FAM227B: variants seen among roughly 807,000 people sequenced by gnomAD.
FAM227B encodes the protein family with sequence similarity 227 member B.
Under a neutral mutation model 73.8 loss-of-function variants are expected in FAM227B, and 88 were observed. That is an observed-to-expected ratio of 1.19 (90% confidence interval 1.00 to 1.42). The LOEUF is 1.42. Among genes scored for constraint, FAM227B ranks in the 40% most tolerant of loss-of-function variants. The pLI, the probability that FAM227B is intolerant of heterozygous loss-of-function variation, is 0.00. For synonymous variants in FAM227B, 210 were observed against 190.5 expected, an observed-to-expected ratio of 1.10 and a Z score of -0.84; for missense variants, 632 against 590.9, an observed-to-expected ratio of 1.07 and a Z score of -0.72.
chr15:49,542,893 T>G (rs1022680747), intron 9 of FAM227B, among the ~76,000 whole-genome samples: 1 of 152,056 alleles, frequency 6.6e-6, no homozygotes, highest in African/African-American at 2.4e-5. Context: ...CACATTTTCT[T>G]TATCCACTTG....
In FAM227B at chr15:49,347,768, C is replaced by G. The variant is rs569310814; in HGVS notation, c.1272-12272G>C. On this transcript the variant is annotated intron_variant, in intron 13 of 15. Transcript: ENST00000299338. The stretch of plus-strand genomic sequence containing the variant: ...GCATGGTGGCTCACGCCAGTAATCT[C>G]AACACTTTGGGAGGCTAAGGTGGGT... 9.2e-5 allele frequency among the ~76,000 whole-genome samples: 14 copies of G among 152,220 alleles called. No individual in the cohort carries two copies. In the East Asian group the frequency reaches 2.7e-3, roughly 29 times the overall value.
At chr15:49,482,058 T>C (rs1417994420) in intron 11 of FAM227B, among the ~76,000 whole-genome samples, 1 of 152,040 alleles carries the variant, frequency 6.6e-6, no homozygotes, top group Non-Finnish European at 1.5e-5. Context: ...TTTTAGAAAA[T>C]AGTTTTTGAA....
chr15:49,466,442 A>C (rs1430727358), intron 11 of FAM227B, among the ~76,000 whole-genome samples: 1 of 152,216 alleles, frequency 6.6e-6, no homozygotes, highest in Non-Finnish European at 1.5e-5. Context: ...TTGTAGAAGA[A>C]AAATGGGAGA....
intron 9 of FAM227B, among the ~76,000 whole-genome samples, chr15:49,550,627 T>G (rs888624690): frequency 3.2e-4 from 47 of 148,416 alleles, no homozygotes; most frequent in Non-Finnish European, 3.4e-4. Flanking sequence ...GTAGAGGCGC[T>G]CCTCACATCC....
chr15:49,358,351 C>T (rs1596490290), intron 13 of FAM227B, among the ~76,000 whole-genome samples: 1 of 117,480 alleles, frequency 8.5e-6, no homozygotes, highest in South Asian at 2.9e-4. Flanking sequence ...TTGTCTCAGC[C>T]CAAAATCTCC....
Position 49,405,183 on chromosome 15 carries a change from AT to A in FAM227B, c.1013-33785del, listed in dbSNP as rs1425741710. On this transcript the variant is annotated intron_variant, in intron 11 of 15. Coordinates refer to ENST00000299338, the MANE Select transcript of FAM227B (RefSeq NM_152647.3). ...ATCTTTCTCTCTAGCTGCCTTTAAC[AT>A]TTTTTCTTTCATTTCAACCTTAGAG... Among the ~76,000 whole-genome samples, 6 of 151,670 alleles carry A rather than the reference AT, an allele frequency of 4.0e-5. No homozygotes were observed. The East Asian group carries it at 1.2e-3, about 29-fold the overall frequency.
At chr15:49,533,296 T>C (rs142284127) in intron 10 of FAM227B, among the ~76,000 whole-genome samples, 2,944 of 152,142 alleles carry the variant, frequency 0.019, 38 homozygotes, top group Non-Finnish European at 0.028. Flanking sequence ...GCCCAACATA[T>C]GATCTATCCT....
intron 10 of FAM227B, among the ~76,000 whole-genome samples, chr15:49,513,829 C>G (rs1355556459): frequency 6.6e-6 from 1 of 151,972 alleles, no homozygotes; most frequent in Non-Finnish European, 1.5e-5. Flanking sequence ...TAGCCAGTTT[C>G]CCCAGCACCT....
At chr15:49,617,994 T>C (rs761768656) in intron 1 of FAM227B, among the ~76,000 whole-genome samples, 1 of 152,190 alleles carries the variant, frequency 6.6e-6, no homozygotes, top group Non-Finnish European at 1.5e-5. Flanking sequence ...GCCAGCAGTG[T>C]AGAGTCTTCT....
At chr15:49,520,439 T>C (rs1301814744) in intron 10 of FAM227B, among the ~76,000 whole-genome samples, 1 of 152,154 alleles carries the variant, frequency 6.6e-6, no homozygotes, top group Non-Finnish European at 1.5e-5. Flanking sequence ...ATCTTAATAG[T>C]ACCCTGCTCT....
At chr15:49,516,867 C>T (rs780997968) in intron 10 of FAM227B, among the ~76,000 whole-genome samples, 3 of 151,998 alleles carry the variant, frequency 2.0e-5, no homozygotes, top group African/African-American at 4.8e-5. Flanking sequence ...ATTGAATTCA[C>T]AAGAATCCTT....
rs191726970 is a variant in FAM227B at position 49,484,687 on chromosome 15, A to G, written c.1012+23524T>C. On this transcript the variant is annotated intron_variant, in intron 11 of 15. Coordinates refer to ENST00000299338, the MANE Select transcript of FAM227B (RefSeq NM_152647.3). ...TTTGTTTTAAGACACTGCATTAAAG[A>G]AAGATTTGAAAAGTATACACAAAAA... 2.6e-3 allele frequency: 1,041 copies of G among 404,936 alleles called. 6 individuals carry two copies. The highest frequency in any genetic ancestry group is 2.7e-3 in the Non-Finnish European group (627 of 229,528). The allele number at this position is 404,936 out of a possible 1,614,324, so 25.1% of individuals were successfully genotyped here.
At chr15:49,396,790 T>C (rs923355850) in intron 11 of FAM227B, among the ~76,000 whole-genome samples, 2 of 150,096 alleles carry the variant, frequency 1.3e-5, no homozygotes, top group African/African-American at 4.9e-5. Context: ...GAGGGTCCTG[T>C]CTGTTAGAAG....
intron 11 of FAM227B, among the ~76,000 whole-genome samples, chr15:49,409,529 G>A (rs2048739648): frequency 6.7e-6 from 1 of 148,214 alleles, no homozygotes; most frequent in Non-Finnish European, 1.5e-5. Context: ...TTATATATAT[G>A]TATATATAAA....
At chr15:49,489,289 G>A in intron 11 of FAM227B, 1 of 984,516 alleles carries the variant, frequency 1.0e-6, no homozygotes, top group Non-Finnish European at 1.2e-6. Flanking sequence ...AGTAATTCAT[G>A]GCTTTCAGTG....
intron 11 of FAM227B, among the ~76,000 whole-genome samples, chr15:49,410,392 T>C (rs1313996433): frequency 1.3e-5 from 2 of 152,180 alleles, no homozygotes; most frequent in Non-Finnish European, 2.9e-5. Context: ...TTATGTTTTG[T>C]AAGTAGTTTT....
chr15:49,457,270 G>A (rs562851152), intron 11 of FAM227B, among the ~76,000 whole-genome samples: 8 of 152,018 alleles, frequency 5.3e-5, no homozygotes, highest in South Asian at 4.1e-4. Flanking sequence ...TTCCAAATGC[G>A]GTAACAACGG....
At chr15:49,348,862 C>A (rs1168648932) in intron 13 of FAM227B, among the ~76,000 whole-genome samples, 1 of 152,188 alleles carries the variant, frequency 6.6e-6, no homozygotes, top group Non-Finnish European at 1.5e-5. Context: ...AAGTTTTCTT[C>A]TCTTATTTGA....
intron 11 of FAM227B, among the ~76,000 whole-genome samples, chr15:49,463,580 C>T (rs948773196): frequency 6.6e-6 from 1 of 150,894 alleles, no homozygotes; most frequent in South Asian, 2.1e-4. Flanking sequence ...CCAAACTCAA[C>T]TAGCTGCATA....
Sources: gnomAD v4.1 joint callset for allele counts (sites outside exome capture counted in the v4.1 genomes callset) on GRCh38, gnomAD v4.1.1 for gene constraint, MANE v1.5 for transcripts, NCBI Gene and HGNC (gene_info 2026-07-23, HGNC 2026-07-21) for gene names.